Variants in RANBP2 observed in about 807,000 individuals in gnomAD.
RANBP2 encodes E3 SUMO-protein ligase RanBP2.
RANBP2 carries 57 observed loss-of-function variants against 303.6 expected under a neutral mutation model. That is an observed-to-expected ratio of 0.19 (90% CI 0.15 to 0.23). The LOEUF is 0.23. Ranked by LOEUF, RANBP2 falls within the 10% of genes least tolerant of loss-of-function variation. RANBP2 has a pLI of 1.00. For synonymous variants in RANBP2, 1,167 were observed against 1,301.5 expected (o/e 0.90, Z 2.23); for missense variants, 3,138 against 3,780.8 (o/e 0.83, Z 4.46).
At chr2:108,786,990 G>T, downstream of RANBP2, 1 of 1,021,744 alleles carries the variant, frequency 9.8e-7, no homozygotes. Context: ...CCGCGCAGCC[G>T]GCCTGGGGGC....
At chr2:109,350,896 A>G in the RANBP2 span, among the ~76,000 whole-genome samples, 3 of 152,354 alleles carry the variant, frequency 2.0e-5, no homozygotes, top group East Asian at 1.9e-4. Context: ...GAAAGCTACA[A>G]TGGTATAACC....
At chr2:109,109,821 A>C in the RANBP2 span, among the ~76,000 whole-genome samples, 2 of 152,210 alleles carry the variant, frequency 1.3e-5, no homozygotes, top group African/African-American at 2.4e-5. Flanking sequence ...TAGTCTTGGA[A>C]TGATTCTCAC....
intron 6 of RANBP2, among the ~76,000 whole-genome samples, chr2:108,738,628 CTTTT>C (rs373620543): frequency 7.3e-6 from 1 of 136,592 alleles, no homozygotes. Flanking sequence ...ATAATAATAG[CTTTT>C]TTTTTTTTTT....
At chr2:109,369,326 C>T in the RANBP2 span, among the ~76,000 whole-genome samples, 2 of 151,920 alleles carry the variant, frequency 1.3e-5, no homozygotes, top group African/African-American at 4.8e-5. Flanking sequence ...TCCAGTCTGG[C>T]GACAGCACAA....
chr2:109,222,019 A>C, the RANBP2 span, among the ~76,000 whole-genome samples: 1 of 152,186 alleles, frequency 6.6e-6, no homozygotes, highest in Non-Finnish European at 1.5e-5. Context: ...TCAGCCTTTC[A>C]AAAGAATGAA....
At chr2:109,555,570 T>A in the RANBP2 span, among the ~76,000 whole-genome samples, 1 of 152,160 alleles carries the variant, frequency 6.6e-6, no homozygotes, top group Non-Finnish European at 1.5e-5. Flanking sequence ...TGCAGAATGT[T>A]AGCAAACTGA....
chr2:108,794,456 G>A, the RANBP2 span: 3 of 1,189,308 alleles, frequency 2.5e-6, no homozygotes, highest in South Asian at 3.4e-5. Context: ...TGTACTTAAA[G>A]CATCTCTTCC....
the RANBP2 span, chr2:109,544,028 T>G: frequency 1.2e-5 from 11 of 883,590 alleles, no homozygotes; most frequent in Non-Finnish European, 1.7e-5. Flanking sequence ...TGGGGAATTT[T>G]CCACTTGTGG....
the RANBP2 span, among the ~76,000 whole-genome samples, chr2:109,326,323 A>G: frequency 6.6e-6 from 1 of 151,824 alleles, no homozygotes; most frequent in Non-Finnish European, 1.5e-5. Flanking sequence ...TAGACTATCT[A>G]CTTCACAGTT....
chr2:109,693,831 G>C, the RANBP2 span, among the ~76,000 whole-genome samples: 13 of 152,122 alleles, frequency 8.5e-5, no homozygotes, highest in Non-Finnish European at 1.5e-4. Flanking sequence ...TGACCACCTT[G>C]GGCACATGTC....
chr2:109,635,425 TGCCCACCTCG>T, the RANBP2 span, among the ~76,000 whole-genome samples: 1 of 152,194 alleles, frequency 6.6e-6, no homozygotes, highest in Non-Finnish European at 1.5e-5. Flanking sequence ...TCAGATAATC[TGCCCACCTCG>T]GCCTCCCAAA....
the RANBP2 span, among the ~76,000 whole-genome samples, chr2:109,360,478 T>C: frequency 6.6e-6 from 1 of 152,182 alleles, no homozygotes; most frequent in African/African-American, 2.4e-5. Context: ...GTGTATAAGG[T>C]ATATATAAAA....
At chr2:108,834,768 CT>C in the RANBP2 span, among the ~76,000 whole-genome samples, 1 of 152,210 alleles carries the variant, frequency 6.6e-6, no homozygotes, top group African/African-American at 2.4e-5. Context: ...CCTCCCTCCC[CT>C]GTAGACCTTG....
At chr2:108,930,167 G>C in the RANBP2 span, 1 of 1,614,084 alleles carries the variant, frequency 6.2e-7, no homozygotes, top group Admixed American at 1.7e-5. Flanking sequence ...TCCTGGCACA[G>C]CCCCGTAGTC....
At chr2:109,727,050 T>C in the RANBP2 span, among the ~76,000 whole-genome samples, 1 of 152,216 alleles carries the variant, frequency 6.6e-6, no homozygotes, top group Non-Finnish European at 1.5e-5. Context: ...TCAGGCACCA[T>C]GTACTGCCCT....
At chr2:109,635,126 T>C in the RANBP2 span, among the ~76,000 whole-genome samples, 1 of 151,778 alleles carries the variant, frequency 6.6e-6, no homozygotes, top group Admixed American at 6.6e-5. Flanking sequence ...AAAAAGAAAC[T>C]CCAGTGTTCA....
chr2:109,710,930 T>C, the RANBP2 span, among the ~76,000 whole-genome samples: 1 of 152,058 alleles, frequency 6.6e-6, no homozygotes, highest in Non-Finnish European at 1.5e-5. Context: ...GGTGGCAAGG[T>C]AGGCAGTTTA....
the RANBP2 span, among the ~76,000 whole-genome samples, chr2:109,383,723 T>A: frequency 6.6e-6 from 1 of 152,218 alleles, no homozygotes; most frequent in African/African-American, 2.4e-5. Context: ...AGCTCAGAGC[T>A]ACTCTCTGTT....
chr2:109,332,584 T>C, the RANBP2 span, among the ~76,000 whole-genome samples: 1 of 152,234 alleles, frequency 6.6e-6, no homozygotes, highest in Non-Finnish European at 1.5e-5. Context: ...TAGACAGTTC[T>C]GCATTTCTTA....
Sources: allele counts gnomAD v4.1 joint callset (sites outside exome capture counted in the v4.1 genomes callset), GRCh38; gene constraint gnomAD v4.1.1; transcripts MANE v1.5; gene names NCBI Gene and HGNC (gene_info 2026-07-23, HGNC 2026-07-21).